Variants in EDARADD observed in about 807,000 individuals in gnomAD.
The protein encoded by EDARADD is EDAR associated via death domain, also known as ectodysplasin-A receptor-associated adapter protein.
EDARADD carries 20 observed loss-of-function variants against 25.6 expected under a neutral mutation model. The observed-to-expected ratio is 0.78, with a 90% CI of 0.55 to 1.14. The LOEUF (loss-of-function observed/expected upper bound fraction) is 1.14, where lower values mean the gene tolerates loss of function less well. Ranked by LOEUF, EDARADD falls within the 50% of genes most tolerant of loss-of-function variation. The probability of loss-of-function intolerance (pLI) is 0.00; values close to 1 mark genes in which losing one functional copy is unlikely to be tolerated. For synonymous variants in EDARADD, 86 were observed against 94.4 expected (o/e 0.91, Z 0.52); for missense variants, 225 against 270.1 (o/e 0.83, Z 1.17).
Position 236,394,355 on chromosome 1 carries a change from T to C in EDARADD, c.-90T>C. ...AGCTTTCATCTAGAAGGTTTGACTC[T>C]GGCCAGACAACCAGCGAGCATCTTC... On this transcript the variant is annotated 5_prime_UTR_variant, in exon 1 of 6. Coordinates refer to ENST00000334232, the MANE Select transcript of EDARADD (RefSeq NM_145861.4). 3.5e-6 allele frequency: 5 copies of C among 1,413,698 alleles called. No individual in the cohort carries two copies. The highest frequency in any genetic ancestry group is 1.0e-6 in the Non-Finnish European group (1 of 999,274). The allele number at this position is 1,413,698 out of a possible 1,614,324, so 87.6% of individuals were successfully genotyped here. A position where few individuals can be genotyped will look rare whatever the true frequency, so the allele number is the denominator to read the frequency against.
At chr1:236,440,769 C>T (rs1658377586) in intron 4 of EDARADD, among the ~76,000 whole-genome samples, 1 of 152,024 alleles carries the variant, frequency 6.6e-6, no homozygotes, top group African/African-American at 2.4e-5. Flanking sequence ...TTTTGGGGCA[C>T]CATGAACTGC....
At chr1:236,481,778 CAAAAA>C (rs36104533) in intron 5 of EDARADD, among the ~76,000 whole-genome samples, 9 of 93,288 alleles carry the variant, frequency 9.6e-5, no homozygotes, top group African/African-American at 1.8e-4. Context: ...CACCCTGTAT[CAAAAA>C]AAAAAAAAAA....
chr1:236,473,207 G>A (rs1659402465), intron 5 of EDARADD, among the ~76,000 whole-genome samples: 1 of 152,194 alleles, frequency 6.6e-6, no homozygotes, highest in South Asian at 2.1e-4. Flanking sequence ...TTTATATGGT[G>A]GTAGGTGCCT....
chr1:236,480,096 CATATATATATATATATATATATATAT>C (rs72215388), intron 5 of EDARADD, among the ~76,000 whole-genome samples: 2,055 of 77,876 alleles, frequency 0.026, 142 homozygotes, highest in African/African-American at 0.12. Context: ...TTAAGTATGC[CATATATATATATATATATATATATAT>C]ATATATATAT....
chr1:236,390,684 C>A (rs1667411454), upstream of EDARADD, among the ~76,000 whole-genome samples: 2 of 152,156 alleles, frequency 1.3e-5, no homozygotes, highest in Admixed American at 1.3e-4. Flanking sequence ...TACAGTGTAT[C>A]AAAAGGATTA....
chr1:236,470,957 G>T lies in EDARADD; in HGVS notation c.265+2681G>T, dbSNP rs1369450736. ...GGGGGTTCCCCATGTTGGCCAGGCT[G>T]GTCTCAAACTCCTGACCTCAAGTGA... On this transcript the variant is annotated intron_variant, in intron 5 of 5. Transcript: ENST00000334232. Among the ~76,000 whole-genome samples, 3 of 152,172 alleles carry T rather than the reference G, an allele frequency of 2.0e-5. No homozygotes were observed. The East Asian group carries it at 5.8e-4, about 29-fold the overall frequency.
chr1:236,467,157 T>C (rs2103035084), intron 4 of EDARADD, among the ~76,000 whole-genome samples: 1 of 149,108 alleles, frequency 6.7e-6, no homozygotes, highest in East Asian at 2.0e-4. Context: ...CCCGAGAAAA[T>C]AGAGGCACTT....
intron 2 of EDARADD, among the ~76,000 whole-genome samples, chr1:236,409,884 TA>T (rs1182040700): frequency 6.6e-6 from 1 of 152,016 alleles, no homozygotes; most frequent in Non-Finnish European, 1.5e-5. Flanking sequence ...TTTTTAATAC[TA>T]CTGGTCTGGT....
chr1:236,374,037 T>C (rs1667198876), intron 3 of EDARADD, among the ~76,000 whole-genome samples: 1 of 152,242 alleles, frequency 6.6e-6, no homozygotes, highest in Non-Finnish European at 1.5e-5. Flanking sequence ...AGATACTGTG[T>C]AATTTCTATT....
chr1:236,376,230 C>T (rs544240698), intron 3 of EDARADD, among the ~76,000 whole-genome samples: 51 of 152,232 alleles, frequency 3.4e-4, no homozygotes, highest in Non-Finnish European at 5.9e-4. Flanking sequence ...CCACCATGCC[C>T]GGCCTACTTT....
chr1:236,419,624 C>T (rs367770181), intron 3 of EDARADD, among the ~76,000 whole-genome samples: 5 of 151,978 alleles, frequency 3.3e-5, no homozygotes, highest in Non-Finnish European at 5.9e-5. Context: ...CCAACTAAGG[C>T]GGTCTGGGGG....
At chr1:236,403,531 C>T (rs1291223161) in intron 1 of EDARADD, among the ~76,000 whole-genome samples, 1 of 152,088 alleles carries the variant, frequency 6.6e-6, no homozygotes, top group Non-Finnish European at 1.5e-5. Flanking sequence ...TCGTGATCCG[C>T]CTGCCTCGGC....
intron 2 of EDARADD, among the ~76,000 whole-genome samples, chr1:236,410,613 G>A (rs563864193): frequency 5.9e-5 from 9 of 152,240 alleles, no homozygotes; most frequent in South Asian, 2.1e-4. Flanking sequence ...GGGCCAAAGC[G>A]GTGCTCTCTG....
chr1:236,405,838 C>A (rs1667713516), intron 1 of EDARADD, among the ~76,000 whole-genome samples: 1 of 33,790 alleles, frequency 3.0e-5, no homozygotes, highest in Non-Finnish European at 5.6e-5. Context: ...TCCTTCCTTC[C>A]TTCCTTCCTT....
chr1:236,416,302 G>A (rs972622785), intron 3 of EDARADD, among the ~76,000 whole-genome samples: 1 of 152,188 alleles, frequency 6.6e-6, no homozygotes, highest in Non-Finnish European at 1.5e-5. Flanking sequence ...TCCAGCCGAA[G>A]AAGTGTGAAA....
At chr1:236,481,202 GGCT>G (rs1249706073) in intron 5 of EDARADD, among the ~76,000 whole-genome samples, 1 of 152,154 alleles carries the variant, frequency 6.6e-6, no homozygotes, top group Non-Finnish European at 1.5e-5. Flanking sequence ...ATTTTTTACA[GGCT>G]GACAGGCTGT....
intron 4 of EDARADD, among the ~76,000 whole-genome samples, chr1:236,464,673 T>C (rs1163463975): frequency 6.6e-6 from 1 of 152,018 alleles, no homozygotes; most frequent in Admixed American, 6.6e-5. Flanking sequence ...CCTCGGGCGA[T>C]TGGCCCGCCT....
chr1:236,361,195 A>G (rs573409991), intron 3 of EDARADD, among the ~76,000 whole-genome samples: 1 of 152,232 alleles, frequency 6.6e-6, no homozygotes, highest in East Asian at 1.9e-4. Flanking sequence ...ATCATCTCCA[A>G]TGGTTTCCTC....
chr1:236,397,265 C>A (rs1667533186), intron 1 of EDARADD, among the ~76,000 whole-genome samples: 1 of 152,016 alleles, frequency 6.6e-6, no homozygotes, highest in African/African-American at 2.4e-5. Context: ...GAAAAATTAG[C>A]CAAATGTGCC....
Sources: gnomAD v4.1 joint callset for allele counts (sites outside exome capture counted in the v4.1 genomes callset) on GRCh38, gnomAD v4.1.1 for gene constraint, MANE v1.5 for transcripts, NCBI Gene and HGNC (gene_info 2026-07-23, HGNC 2026-07-21) for gene names.